TMEM132D: variants seen among roughly 807,000 people sequenced by gnomAD.
The protein encoded by TMEM132D is mature OL transmembrane protein.
A neutral mutation model predicts 62.3 loss-of-function variants in TMEM132D; 21 were observed. That is an observed-to-expected ratio of 0.34 (90% CI 0.24 to 0.49). The LOEUF (loss-of-function observed/expected upper bound fraction) is 0.49. Among genes scored for constraint, TMEM132D ranks in the 20% least tolerant of loss-of-function variants. TMEM132D has a pLI of 0.99. For synonymous variants in TMEM132D, 621 were observed against 575.6 expected (o/e 1.08, Z -1.13); for missense variants, 1,346 against 1,402.8 (o/e 0.96, Z 0.65).
intron 4 of TMEM132D, among the ~76,000 whole-genome samples, chr12:129,295,275 C>T (rs1881544085): frequency 1.3e-5 from 2 of 152,004 alleles, no homozygotes; most frequent in Admixed American, 1.3e-4. Flanking sequence ...CGGAACACTG[C>T]CGGCTACACA....
intron 1 of TMEM132D, among the ~76,000 whole-genome samples, chr12:129,849,142 C>A (rs1414866110): frequency 6.6e-6 from 1 of 152,132 alleles, no homozygotes; most frequent in Non-Finnish European, 1.5e-5. Flanking sequence ...CTTAAGCATC[C>A]CTGGCTTTCC....
chr12:129,250,999 G>A (rs569697596), intron 4 of TMEM132D, among the ~76,000 whole-genome samples: 15 of 152,154 alleles, frequency 9.9e-5, no homozygotes, highest in Admixed American at 3.9e-4. Context: ...ATTTTGCATG[G>A]TTCACTGTGC....
rs1323827651 is a variant in TMEM132D, at chr12:129,134,154, CTGTGTGTGTGTCTG to C, written c.1444-49466_1444-49453del. ...TGTGTCTGTGTGTGTGTGTCTGTGT[CTGTGTGTGTGTCTG>C]TGTGTGTGTGTCTGTGTGTCTGTGT... On this transcript the variant is annotated intron_variant, in intron 5 of 8. Coordinates refer to ENST00000422113, the MANE Select transcript of TMEM132D (RefSeq NM_133448.3). 1.4e-3 allele frequency among the ~76,000 whole-genome samples: 188 copies of C among 133,804 alleles called. 1 individual carries two copies. In the East Asian group the frequency reaches 0.026, roughly 19 times the overall value. 87.8% of individuals were successfully genotyped at this position (133,804 alleles called of 152,430 possible). A position where few individuals can be genotyped will look rare whatever the true frequency, so the allele number is the denominator to read the frequency against.
At chr12:129,585,975 T>G (rs566026333) in intron 2 of TMEM132D, among the ~76,000 whole-genome samples, 31 of 152,262 alleles carry the variant, frequency 2.0e-4, no homozygotes, top group African/African-American at 7.5e-4. Flanking sequence ...CAAAATGCAC[T>G]GCAGAATTGT....
At chr12:129,314,354 C>A (rs1004263809) in intron 4 of TMEM132D, among the ~76,000 whole-genome samples, 5 of 152,184 alleles carry the variant, frequency 3.3e-5, no homozygotes, top group African/African-American at 1.2e-4. Context: ...TATCTCAGCA[C>A]TATTTGTTGA....
chr12:129,663,409 A>T (rs1439947646), intron 2 of TMEM132D, among the ~76,000 whole-genome samples: 1 of 152,190 alleles, frequency 6.6e-6, no homozygotes, highest in Non-Finnish European at 1.5e-5. Context: ...AAGTACTGGG[A>T]TTACAGGCAT....
At chr12:129,875,772 G>C (rs76650538) in intron 1 of TMEM132D, among the ~76,000 whole-genome samples, 12 of 152,264 alleles carry the variant, frequency 7.9e-5, no homozygotes, top group Admixed American at 2.6e-4. Flanking sequence ...TCCGATTTTC[G>C]AGAGACAGCA....
intron 3 of TMEM132D, among the ~76,000 whole-genome samples, chr12:129,341,103 C>T (rs1227970145): frequency 2.0e-5 from 3 of 152,190 alleles, no homozygotes; most frequent in Non-Finnish European, 4.4e-5. Flanking sequence ...ATATTTAGCA[C>T]TTAACAGCTT....
At chr12:129,883,389 T>C (rs1418656543) in intron 1 of TMEM132D, among the ~76,000 whole-genome samples, 2 of 152,114 alleles carry the variant, frequency 1.3e-5, no homozygotes, top group African/African-American at 4.8e-5. Context: ...CTAAATAAAT[T>C]GTCAGACATA....
rs537421826 is a variant in TMEM132D at position 129,106,183 on chromosome 12, C to T, written c.1444-21481G>A. The stretch of plus-strand genomic sequence containing the variant: ...ATCGTAAGAACAAAAAACCAAACAC[C>T]GCATATTCTCACTCACAGGTGGGAA... On this transcript the variant is annotated intron_variant, in intron 5 of 8. Coordinates refer to ENST00000422113, the MANE Select transcript of TMEM132D (RefSeq NM_133448.3). Among the ~76,000 whole-genome samples, 1,141 of 150,150 alleles carry T rather than the reference C, an allele frequency of 7.6e-3. 17 individuals carry two copies. Among genetic ancestry groups the T allele is most frequent in the African/African-American group, 0.027 (1,084 of 40,602 alleles).
At position 129,074,387 on chromosome 12, in the gene TMEM132D, C is replaced by A. The variant is rs2135602860; in HGVS notation, c.2788G>T (p.Ala930Ser). ...CAGTTTATCAAGAAGACCAAAATGG[C>A]CAAACAGAAGACTCCCAACAAAGCA... ...MYALLGVFCL[A>S]ILVFLINCVT... The change falls in exon 9 of 9, where the codon GCC (alanine) becomes TCC (serine). Residue 930 changes from alanine (A) to serine (S), a missense_variant. By Grantham distance (99) the Ala-to-Ser change is moderately conservative. Coordinates refer to ENST00000422113, the MANE Select transcript of TMEM132D (RefSeq NM_133448.3). 6.2e-7 allele frequency: 1 copy of A among 1,613,920 alleles called. No homozygotes were observed. The highest frequency in any genetic ancestry group is 8.5e-7 in the Non-Finnish European group (1 of 1,180,016).
chr12:129,448,622 G>A (rs913178995), intron 3 of TMEM132D, among the ~76,000 whole-genome samples: 31 of 152,016 alleles, frequency 2.0e-4, no homozygotes, highest in Admixed American at 1.6e-3. Context: ...TTATCCAGTC[G>A]GTCATTGGTG....
intron 4 of TMEM132D, among the ~76,000 whole-genome samples, chr12:129,253,709 T>C (rs1450772397): frequency 6.6e-6 from 1 of 152,168 alleles, no homozygotes; most frequent in Admixed American, 6.5e-5. Context: ...TCTGGTGCTA[T>C]CTGGGGGCTG....
At chr12:129,421,918 A>G (rs1174632442) in intron 3 of TMEM132D, among the ~76,000 whole-genome samples, 4 of 152,112 alleles carry the variant, frequency 2.6e-5, no homozygotes, top group Admixed American at 1.3e-4. Flanking sequence ...AGTTGTGGCA[A>G]ATGCACAGGT....
intron 2 of TMEM132D, among the ~76,000 whole-genome samples, chr12:129,625,222 A>G (rs573705360): frequency 1.3e-5 from 2 of 152,266 alleles, no homozygotes; most frequent in South Asian, 4.2e-4. Flanking sequence ...ATTCATTTTT[A>G]AGAGGTCTCT....
chr12:129,108,205 G>A (rs551028127), intron 5 of TMEM132D, among the ~76,000 whole-genome samples: 19 of 152,192 alleles, frequency 1.2e-4, no homozygotes, highest in Middle Eastern at 6.8e-3. Flanking sequence ...ATCCCTGAAC[G>A]TCCTTACATC....
At chr12:129,340,904 T>C (rs1209721389) in intron 3 of TMEM132D, among the ~76,000 whole-genome samples, 1 of 152,354 alleles carries the variant, frequency 6.6e-6, no homozygotes, top group Admixed American at 6.5e-5. Context: ...AAACGTTGTA[T>C]GCGCGTGATT....
intron 2 of TMEM132D, among the ~76,000 whole-genome samples, chr12:129,567,612 A>G (rs269158): frequency 0.53 from 81,280 of 152,074 alleles, 22,276 homozygotes; most frequent in East Asian, 0.92. Flanking sequence ...TAAGTCAGAC[A>G]TTAAAGACAT....
chr12:129,378,312 G>T (rs1870842573), intron 3 of TMEM132D, among the ~76,000 whole-genome samples: 1 of 152,160 alleles, frequency 6.6e-6, no homozygotes, highest in Admixed American at 6.5e-5. Flanking sequence ...GTCTAACGTG[G>T]ATATTCCAAC....
Sources: gnomAD v4.1 joint callset for allele counts (sites outside exome capture counted in the v4.1 genomes callset) on GRCh38, gnomAD v4.1.1 for gene constraint, MANE v1.5 for transcripts, NCBI Gene and HGNC (gene_info 2026-07-23, HGNC 2026-07-21) for gene names.